Variants in FN1 observed in about 807,000 individuals in gnomAD.
FN1 encodes fibronectin.
In FN1, 106 loss-of-function variants were observed where a neutral mutation model predicts 297.3. The ratio of observed to expected loss-of-function variants is 0.36; its 90% confidence interval spans 0.30 to 0.42. FN1 has a LOEUF of 0.42. Ranked by LOEUF, FN1 falls within the 10% of genes least tolerant of loss-of-function variation. The probability of loss-of-function intolerance (pLI) is 1.00; values close to 1 mark genes in which losing one functional copy is unlikely to be tolerated. For missense variants in FN1, 2,690 were observed against 3,124.9 expected (o/e 0.86, Z 3.32); for synonymous variants, 1,149 against 1,152.6 (o/e 1.00, Z 0.06).
intron 25 of FN1, 131 bp from the exon 26 acceptor site, chr2:215,391,945 C>T (rs2059757743): frequency 6.4e-6 from 5 of 783,650 alleles, no homozygotes; most frequent in Admixed American, 2.1e-5. Context: ...ACAGTCTAAT[C>T]TAAGTCTATT....
At chr2:215,398,137 G>A (rs941236404) in intron 21 of FN1, among the ~76,000 whole-genome samples, 1 of 152,180 alleles carries the variant, frequency 6.6e-6, no homozygotes, top group African/African-American at 2.4e-5. Context: ...CAAACCAGAC[G>A]TATACAGGGA....
chr2:215,376,109 C>T (rs751863750), intron 36 of FN1, among the ~76,000 whole-genome samples: 6 of 152,158 alleles, frequency 3.9e-5, no homozygotes, highest in Non-Finnish European at 7.3e-5. Flanking sequence ...GAATATTCTT[C>T]GGTTACAATT....
Position 215,378,282 on chromosome 2 carries a change from G to A in FN1, c.5623-20C>T. 1 of 1,423,034 alleles carries A rather than the reference G, an allele frequency of 7.0e-7. No individual in the cohort carries two copies. Among genetic ancestry groups the A allele is most frequent in the Non-Finnish European group, 9.9e-7 (1 of 1,008,054 alleles). The allele number at this position is 1,423,034 out of a possible 1,614,324, so 88.2% of individuals were successfully genotyped here. A position where few individuals can be genotyped will look rare whatever the true frequency, so the allele number is the denominator to read the frequency against. ...GGCCACCTAGAGAAATAAGGGCATG[G>A]TGAGCTTTAGCAACGTCCTCAACTG... On this transcript the variant is annotated intron_variant, in intron 34 of 45. Transcript: ENST00000354785.
intron 20 of FN1, among the ~76,000 whole-genome samples, chr2:215,404,077 G>C (rs757254287): frequency 3.9e-5 from 6 of 152,172 alleles, no homozygotes; most frequent in Non-Finnish European, 8.8e-5. Context: ...AGGAAAGAGC[G>C]AGCTTGGCAA....
In FN1 at chr2:215,383,405, G is replaced by A. The variant is rs774724670; in HGVS notation, c.4973C>T (p.Ser1658Phe). 9.9e-6 allele frequency: 16 copies of A among 1,613,844 alleles called. No individual in the cohort carries two copies. The highest frequency in any genetic ancestry group is 1.3e-5 in the Non-Finnish European group (15 of 1,179,872). The change falls in exon 31 of 46, where the codon TCC becomes TTC. Residue 1658 changes from serine to phenylalanine, a missense_variant. By Grantham distance (155) the Ser-to-Phe change is radical. Around this residue, in one of 3 missense-constraint regions of FN1, gnomAD observed 1,743 missense variants for 1,945.2 expected, o/e 0.90. Coordinates refer to ENST00000354785, the MANE Select transcript of FN1 (RefSeq NM_212482.4). ...SISVKWLPSS[S>F]PVTGYRVTTT... Reference sequence around the variant, plus strand: ...GGTTACTCTGTAACCAGTAACAGGGGAACTTGAAGGCAGCCACTTGACACT... The same window carrying A: ...GGTTACTCTGTAACCAGTAACAGGGAAACTTGAAGGCAGCCACTTGACACT...
At chr2:215,403,077 T>C (rs2061345387) in intron 20 of FN1, among the ~76,000 whole-genome samples, 1 of 152,168 alleles carries the variant, frequency 6.6e-6, no homozygotes. Flanking sequence ...CCATTCTAAT[T>C]CACTGAAGGA....
intron 12 of FN1, among the ~76,000 whole-genome samples, chr2:215,417,678 G>A (rs1362964704): frequency 6.6e-6 from 1 of 152,168 alleles, no homozygotes; most frequent in Non-Finnish European, 1.5e-5. Context: ...GCATATCTGA[G>A]GTCAAATTCC....
chr2:215,372,595 G>A (rs927013332), intron 39 of FN1: 5 of 589,462 alleles, frequency 8.5e-6, no homozygotes, highest in Non-Finnish European at 1.5e-5. Context: ...AAAAGTGTTA[G>A]TATGAATTTA....
At chr2:215,428,036 A>C in intron 6 of FN1, 144 bp downstream of exon 6, 1 of 1,016,118 alleles carries the variant, frequency 9.8e-7, no homozygotes, top group South Asian at 1.4e-5. Flanking sequence ...AGTTTTAACA[A>C]CCAATAATGT....
In FN1 at chr2:215,361,528, C is replaced by G; in HGVS notation, c.*27G>C. 1 of 1,507,138 alleles carries G rather than the reference C, an allele frequency of 6.6e-7. No homozygotes were observed. The highest frequency in any genetic ancestry group is 9.2e-7 in the Non-Finnish European group (1 of 1,082,394). The allele number at this position is 1,507,138 out of a possible 1,614,324, so 93.4% of individuals were successfully genotyped here. On this transcript the variant is annotated 3_prime_UTR_variant, in exon 46 of 46. Coordinates refer to ENST00000354785, the MANE Select transcript of FN1 (RefSeq NM_212482.4). ...AGATGGATCTTGGCAGAGAGACATG[C>G]TTGTTCCTCTGGATTGGAAAGATGA...
intron 25 of FN1, chr2:215,392,607 G>A (rs541348149): frequency 1.0e-4 from 38 of 362,184 alleles, no homozygotes; most frequent in African/African-American, 6.0e-4. Context: ...TTTGGTATTC[G>A]TGTTTGGTAT....
intron 25 of FN1, 85 bp downstream of exon 25, chr2:215,392,846 A>G: frequency 1.3e-6 from 2 of 1,503,120 alleles, no homozygotes; most frequent in Non-Finnish European, 1.8e-6. Flanking sequence ...GACTTCCCCC[A>G]TGAAACATCC....
intron 31 of FN1, 147 bp downstream of exon 31, chr2:215,383,181 A>AT: frequency 1.3e-6 from 1 of 762,888 alleles, no homozygotes; most frequent in Non-Finnish European, 2.2e-6. Flanking sequence ...ATTTTTTTGT[A>AT]TTTTTTAGTA....
At chr2:215,391,400 T>G (rs1254383616) in intron 26 of FN1, among the ~76,000 whole-genome samples, 1 of 152,246 alleles carries the variant, frequency 6.6e-6, no homozygotes, top group African/African-American at 2.4e-5. Context: ...GGAACTTTCC[T>G]GCAGGTGTTT....
chr2:215,419,844 C>G (rs1049469247), intron 11 of FN1, among the ~76,000 whole-genome samples: 43 of 152,294 alleles, frequency 2.8e-4, no homozygotes, highest in African/African-American at 9.9e-4. Flanking sequence ...ACCTGCTGAG[C>G]AGCTTCTAAG....
At chr2:215,414,799 G>A (rs773527269) in intron 13 of FN1, 38 bp downstream of exon 13, 4 of 1,613,336 alleles carry the variant, frequency 2.5e-6, no homozygotes, top group Non-Finnish European at 2.5e-6. Flanking sequence ...ATAAGATTAG[G>A]AGACTCAGTA....
At chr2:215,382,176 G>A (rs2058311933) in intron 32 of FN1, 36 bp downstream of exon 32, 1 of 1,425,166 alleles carries the variant, frequency 7.0e-7, no homozygotes, top group Admixed American at 1.7e-5. Flanking sequence ...AACAAAATTT[G>A]ACTTTGAAAA....
intron 28 of FN1, among the ~76,000 whole-genome samples, chr2:215,385,554 T>A (rs1287168150): frequency 6.9e-4 from 82 of 118,704 alleles, no homozygotes; most frequent in Admixed American, 1.1e-3. Context: ...AGAGCAAGAC[T>A]CCATTTCAGG....
Position 215,406,387 on chromosome 2 carries a change from A to C in FN1, c.2837T>G (p.Leu946Arg). The C allele has an allele frequency of 6.2e-7, 1 of 1,614,228 alleles. No individual in the cohort carries two copies. The highest frequency in any genetic ancestry group is 8.5e-7 in the Non-Finnish European group (1 of 1,180,046). ...CAGCCTCTGCCCGTGCTCGCCAGGC[A>C]GGTTGACGGGGATCACATCCACACG... ...GYRVDVIPVN[L>R]PGEHGQRLPI... The change falls in exon 19 of 46, where the codon CTG (leucine) becomes CGG (arginine). Residue 946 changes from leucine to arginine, a missense_variant. Coordinates refer to ENST00000354785, the MANE Select transcript of FN1 (RefSeq NM_212482.4).
Sources: gnomAD v4.1 joint callset for allele counts (sites outside exome capture counted in the v4.1 genomes callset) on GRCh38, gnomAD v4.1.1 for gene constraint, gnomAD v4.1.1 regional missense constraint, MANE v1.5 for transcripts, NCBI Gene and HGNC (gene_info 2026-07-23, HGNC 2026-07-21) for gene names.